ASXL2: variants seen among roughly 807,000 people sequenced by gnomAD.
ASXL2 encodes the protein putative Polycomb group protein ASXL2.
Under a neutral mutation model 122.0 loss-of-function variants are expected in ASXL2, and 23 were observed. The observed-to-expected ratio is 0.19, with a 90% CI of 0.14 to 0.27. The LOEUF is 0.27. Ranked by LOEUF, ASXL2 falls within the 10% of genes least tolerant of loss-of-function variation. The pLI is 1.00. For synonymous variants in ASXL2, 650 were observed against 637.0 expected (o/e 1.02, Z -0.31); for missense variants, 1,518 against 1,713.8 (o/e 0.89, Z 2.02).
rs2149136385 is a variant in ASXL2, at chr2:25,743,090, C to T, written c.3247G>A (p.Val1083Met). ...RVRRQNLLSV[V>M]PPSQFNFAHS... is the part of the protein sequence containing the mutation. The stretch of plus-strand genomic sequence containing the variant: ...GCGAAGTTGAACTGTGAGGGCGGCA[C>T]AACTGAGAGAAGATTCTGCCTCCGA... Residue 1083 changes from valine (V) to methionine (M), a missense_variant, in exon 13 of 13, where the codon GTG becomes ATG. Physicochemically the swap from Val to Met is conservative, Grantham distance 21. This residue lies in a region of ASXL2 where 831 missense variants were observed against 833.1 expected (regional missense o/e 1.00). Transcript: ENST00000435504. 6.2e-7 allele frequency: 1 copy of T among 1,614,012 alleles called. No homozygotes were observed. Among genetic ancestry groups the T allele is most frequent in the South Asian group, 1.1e-5 (1 of 91,078 alleles).
At chr2:25,801,281 C>G (rs1263558376) in intron 4 of ASXL2, among the ~76,000 whole-genome samples, 1 of 152,090 alleles carries the variant, frequency 6.6e-6, no homozygotes, top group Non-Finnish European at 1.5e-5. Context: ...GTTCTTTTTA[C>G]CTCCAATATT....
intron 1 of ASXL2, among the ~76,000 whole-genome samples, chr2:25,875,506 T>C (rs1395303521): frequency 6.6e-6 from 1 of 151,826 alleles, no homozygotes; most frequent in Non-Finnish European, 1.5e-5. Context: ...ATAATAATGA[T>C]AATAATTATG....
intron 12 of ASXL2, among the ~76,000 whole-genome samples, chr2:25,745,913 TGGGATTACA>T (rs1013537842): frequency 7.6e-4 from 115 of 152,290 alleles, no homozygotes; most frequent in African/African-American, 2.6e-3. Flanking sequence ...CCCAAAGTGC[TGGGATTACA>T]GGCGTGAGCC....
chr2:25,787,341 G>A (rs906669601), intron 5 of ASXL2, among the ~76,000 whole-genome samples: 2 of 152,182 alleles, frequency 1.3e-5, no homozygotes, highest in African/African-American at 4.8e-5. Flanking sequence ...TGGCTGAGAT[G>A]CAAACCCACT....
chr2:25,771,423 A>T lies in ASXL2; in HGVS notation c.504+17T>A. 6.3e-7 allele frequency: 1 copy of T among 1,590,642 alleles called. No homozygotes were observed. The highest frequency in any genetic ancestry group is 8.6e-7 in the Non-Finnish European group (1 of 1,163,352). On this transcript the variant is annotated intron_variant, in intron 6 of 12. Transcript: ENST00000435504. ...ACAGGAAATTCTACTTGATAAATAC[A>T]GACTAGCAATGCTTACCTGCTTTAG...
chr2:25,755,788 T>G (rs2088119704), intron 10 of ASXL2, among the ~76,000 whole-genome samples: 1 of 152,234 alleles, frequency 6.6e-6, no homozygotes, highest in African/African-American at 2.4e-5. Context: ...TTTAATTTCT[T>G]GGAAGCTTTA....
rs550367748 is a variant in ASXL2, at chr2:25,867,312, G to A, written c.57+10854C>T. Among the ~76,000 whole-genome samples, 27 of 152,154 alleles carry A rather than the reference G, an allele frequency of 1.8e-4. 1 individual carries two copies. In the South Asian group the frequency reaches 2.1e-3, roughly 12 times the overall value. On this transcript the variant is annotated intron_variant, in intron 1 of 12. Transcript: ENST00000435504. ...TATGTGTGGAAACTTCAGGAGGCTC[G>A]CAGAAAAGTAGAAGGCCAGGTGCAG...
intron 3 of ASXL2, among the ~76,000 whole-genome samples, chr2:25,827,852 G>A (rs1031547904): frequency 2.6e-5 from 4 of 152,094 alleles, no homozygotes; most frequent in African/African-American, 7.2e-5. Context: ...TCTAGGAATC[G>A]CCTAGAGAGG....
At chr2:25,792,162 A>G (rs1012178454) in intron 5 of ASXL2, among the ~76,000 whole-genome samples, 1 of 152,150 alleles carries the variant, frequency 6.6e-6, no homozygotes, top group Non-Finnish European at 1.5e-5. Flanking sequence ...ACATTCGGCT[A>G]ATTTTACTTT....
In ASXL2 at chr2:25,737,734, G is replaced by T. The variant is rs1379368419; in HGVS notation, c.*4295C>A. 6.6e-5 allele frequency: 10 copies of T among 151,936 alleles called. No homozygotes were observed. Among genetic ancestry groups the T allele is most frequent in the African/African-American group, 2.4e-4 (10 of 41,358 alleles). The allele number at this position is 151,936 out of a possible 1,614,324, so 9.4% of individuals were successfully genotyped here. A position where few individuals can be genotyped will look rare whatever the true frequency, so the allele number is the denominator to read the frequency against. On this transcript the variant is annotated 3_prime_UTR_variant, in exon 13 of 13. Transcript: ENST00000435504. The stretch of plus-strand genomic sequence containing the variant: ...TACTTAATAATAAAATGAAAAATAA[G>T]AATATAGGAATACATACAATCTATA...
chr2:25,821,929 G>C (rs2089315915), intron 3 of ASXL2, among the ~76,000 whole-genome samples: 1 of 152,140 alleles, frequency 6.6e-6, no homozygotes, highest in Non-Finnish European at 1.5e-5. Flanking sequence ...ACCATGTAAA[G>C]AGTACAATAA....
At chr2:25,863,022 T>C (rs1469971005) in intron 1 of ASXL2, among the ~76,000 whole-genome samples, 1 of 152,014 alleles carries the variant, frequency 6.6e-6, no homozygotes, top group Non-Finnish European at 1.5e-5. Context: ...CAACCAAATT[T>C]TAAAATGCAA....
intron 5 of ASXL2, among the ~76,000 whole-genome samples, chr2:25,783,738 G>A (rs772173923): frequency 6.6e-6 from 1 of 151,562 alleles, no homozygotes; most frequent in Non-Finnish European, 1.5e-5. Context: ...CCTGGGCAAC[G>A]TGGCAAAATC....
intron 5 of ASXL2, among the ~76,000 whole-genome samples, chr2:25,776,342 C>T (rs28562485): frequency 0.25 from 37,709 of 149,922 alleles, 4,911 homozygotes; most frequent in Non-Finnish European, 0.28. Context: ...TGTATAAATA[C>T]TTTATTCTTT....
chr2:25,777,138 G>C (rs1303761706), intron 5 of ASXL2, among the ~76,000 whole-genome samples: 1 of 152,118 alleles, frequency 6.6e-6, no homozygotes. Context: ...GCCCAGGCTG[G>C]AGTGCAGTGA....
chr2:25,876,325 C>T (rs1045925048), intron 1 of ASXL2, among the ~76,000 whole-genome samples: 1 of 152,128 alleles, frequency 6.6e-6, no homozygotes, highest in African/African-American at 2.4e-5. Context: ...ACTAATTTTT[C>T]CTATTTGTCG....
chr2:25,817,591 A>G (rs72801835), intron 3 of ASXL2, among the ~76,000 whole-genome samples: 2 of 152,340 alleles, frequency 1.3e-5, no homozygotes, highest in Non-Finnish European at 2.9e-5. Flanking sequence ...GAAATATTGA[A>G]GTAAATAGTC....
intron 2 of ASXL2, chr2:25,845,191 TA>T: frequency 2.7e-6 from 1 of 372,864 alleles, no homozygotes. Context: ...TCAAAAAGCC[TA>T]AAGAGACAGA....
Position 25,841,474 on chromosome 2 carries a change from C to A in ASXL2, c.140+4007G>T, listed in dbSNP as rs968611919. Among the ~76,000 whole-genome samples the A allele has an allele frequency of 4.6e-5, 7 of 152,106 alleles. No homozygotes were observed. The East Asian group carries it at 1.3e-3, about 29-fold the overall frequency. The stretch of plus-strand genomic sequence containing the variant: ...GATAATGTCACTGCCTCTGGAGCTA[C>A]CTTAACGTAAGGTACAGAGAAATTG... On this transcript the variant is annotated intron_variant, in intron 2 of 12. Transcript: ENST00000435504.
Sources: allele counts gnomAD v4.1 joint callset (sites outside exome capture counted in the v4.1 genomes callset), GRCh38; gene constraint gnomAD v4.1.1; regional missense constraint gnomAD v4.1.1; transcripts MANE v1.5; gene names NCBI Gene and HGNC (gene_info 2026-07-23, HGNC 2026-07-21).